The following TSHZ2 variants were observed in gnomAD, a reference collection of about 807,000 sequenced individuals.
The protein encoded by TSHZ2 is teashirt homolog 2.
A neutral mutation model predicts 74.4 loss-of-function variants in TSHZ2; 21 were observed. That is an observed-to-expected ratio of 0.28 (90% CI 0.20 to 0.41). The LOEUF is 0.41. Among genes scored for constraint, TSHZ2 ranks in the 10% least tolerant of loss-of-function variants. The probability of loss-of-function intolerance (pLI) is 1.00; values close to 1 mark genes in which losing one functional copy is unlikely to be tolerated. For missense variants in TSHZ2, 1,244 were observed against 1,293.5 expected, an observed-to-expected ratio of 0.96 and a Z score of 0.59; for synonymous variants, 540 against 515.3, an observed-to-expected ratio of 1.05 and a Z score of -0.65.
chr20:53,255,505 G>A lies in TSHZ2; in HGVS notation c.2047G>A (p.Ala683Thr), dbSNP rs202194589. The change falls in exon 2 of 3, where the codon GCC becomes ACC. Residue 683 changes from alanine to threonine, a missense_variant. By Grantham distance (58) the Ala-to-Thr change is moderately conservative. Around this residue, in one of 6 missense-constraint regions of TSHZ2, gnomAD observed 562 missense variants for 544.0 expected, o/e 1.03. Coordinates refer to ENST00000371497, the MANE Select transcript of TSHZ2 (RefSeq NM_173485.6). This position sits in a 1 kb window ranked among gnomAD's most constrained non-coding sequence, Gnocchi z 4.1. Reference sequence around the variant, plus strand: ...TGCTCTGAGCAATGGGTGCGCCCTCGCCAACCACGCCCCGGCCCTGCCATG... The same window carrying A: ...TGCTCTGAGCAATGGGTGCGCCCTCACCAACCACGCCCCGGCCCTGCCATG... ...TSALSNGCAL[A>T]NHAPALPCIN... 6.2e-5 allele frequency: 99 copies of A among 1,591,272 alleles called. No homozygotes were observed. Among genetic ancestry groups the A allele is most frequent in the Non-Finnish European group, 7.2e-5 (84 of 1,171,470 alleles).
At chr20:52,995,875 G>A (rs1199548860) in intron 1 of TSHZ2, among the ~76,000 whole-genome samples, 3 of 151,968 alleles carry the variant, frequency 2.0e-5, no homozygotes, top group African/African-American at 7.3e-5. Flanking sequence ...ACCCACCTCG[G>A]CCTCCCAAAG....
chr20:52,999,790 A>C (rs1982346017), intron 1 of TSHZ2, among the ~76,000 whole-genome samples: 1 of 152,152 alleles, frequency 6.6e-6, no homozygotes, highest in African/African-American at 2.4e-5. Flanking sequence ...TTTTTAAAAA[A>C]TCCTACAGTT....
intron 2 of TSHZ2, among the ~76,000 whole-genome samples, chr20:53,441,187 TTCC>T (rs1196054452): frequency 6.6e-6 from 1 of 152,034 alleles, no homozygotes; most frequent in Non-Finnish European, 1.5e-5. Context: ...GCTTTACTTC[TTCC>T]TTTTTTTTCC....
In TSHZ2 at chr20:52,973,414, G is replaced by A; in HGVS notation, c.40+81G>A. 9 of 1,524,830 alleles carry A rather than the reference G, an allele frequency of 5.9e-6. No individual in the cohort carries two copies. In the South Asian group the frequency reaches 7.3e-5, roughly 12 times the overall value. 94.5% of individuals were successfully genotyped at this position (1,524,830 alleles called of 1,614,324 possible). On this transcript the variant is annotated intron_variant, in intron 1 of 2. Transcript: ENST00000371497. The stretch of plus-strand genomic sequence containing the variant: ...CCTCCTTGCCCCTGGGTGCCCGGGG[G>A]CACCACCCACTTAAGCTTTCGGGGG...
intron 2 of TSHZ2, among the ~76,000 whole-genome samples, chr20:53,394,979 T>G (rs1354900280): frequency 6.6e-6 from 1 of 151,184 alleles, no homozygotes; most frequent in African/African-American, 2.4e-5. Flanking sequence ...ATGTCTCTGC[T>G]CTTTCTTGGA....
chr20:52,987,651 A>G (rs1323361391), intron 1 of TSHZ2, among the ~76,000 whole-genome samples: 2 of 152,180 alleles, frequency 1.3e-5, no homozygotes, highest in Non-Finnish European at 2.9e-5. Flanking sequence ...AAAAAAATAT[A>G]AGAAGGCTCT....
chr20:53,390,454 C>T (rs1982208328), intron 2 of TSHZ2, among the ~76,000 whole-genome samples: 1 of 152,216 alleles, frequency 6.6e-6, no homozygotes, highest in Non-Finnish European at 1.5e-5. Flanking sequence ...ATAAGAATGT[C>T]TCCATATTTA....
At chr20:53,291,803 GCA>G (rs78972342) in intron 2 of TSHZ2, among the ~76,000 whole-genome samples, 10,206 of 152,172 alleles carry the variant, frequency 0.067, 425 homozygotes, top group Middle Eastern at 0.12. Context: ...CCTCCTCACA[GCA>G]CACTCTTCTG....
At chr20:53,457,827 TTG>T (rs1167577416) in intron 2 of TSHZ2, among the ~76,000 whole-genome samples, 1 of 151,930 alleles carries the variant, frequency 6.6e-6, no homozygotes, top group Non-Finnish European at 1.5e-5. Flanking sequence ...CATGTGGTTT[TTG>T]TCTTTGGCTC....
At position 53,170,038 on chromosome 20, in the gene TSHZ2, A is replaced by G. The variant is rs181499201; in HGVS notation, c.41-83461A>G. 9.4e-4 allele frequency among the ~76,000 whole-genome samples: 143 copies of G among 152,306 alleles called. 1 individual carries two copies. Among genetic ancestry groups the G allele is most frequent in the Non-Finnish European group, 1.6e-3 (109 of 68,024 alleles). On this transcript the variant is annotated intron_variant, in intron 1 of 2. Transcript: ENST00000371497. Reference sequence around the variant, plus strand: ...GCTACTTGTCTTCAAGAATGCTACAAGAATAACTACTGTTTGGAAAACAGA... The same window carrying G: ...GCTACTTGTCTTCAAGAATGCTACAGGAATAACTACTGTTTGGAAAACAGA...
intron 2 of TSHZ2, among the ~76,000 whole-genome samples, chr20:53,287,639 A>G (rs1991194834): frequency 6.6e-6 from 1 of 152,202 alleles, no homozygotes; most frequent in South Asian, 2.1e-4. Flanking sequence ...GGAGACTGAG[A>G]TTGGAAAAAG....
chr20:53,396,401 A>T (rs904377582), intron 2 of TSHZ2, among the ~76,000 whole-genome samples: 1 of 152,240 alleles, frequency 6.6e-6, no homozygotes, highest in African/African-American at 2.4e-5. Flanking sequence ...GTACAGATGA[A>T]GAAACTGAAG....
At chr20:53,119,878 C>A (rs1341875287) in intron 1 of TSHZ2, among the ~76,000 whole-genome samples, 3 of 152,150 alleles carry the variant, frequency 2.0e-5, no homozygotes, top group Non-Finnish European at 4.4e-5. Flanking sequence ...TTCTAGCTAA[C>A]GTGTATTTCC....
chr20:53,224,784 A>G (rs185556478), intron 1 of TSHZ2, among the ~76,000 whole-genome samples: 220 of 147,652 alleles, frequency 1.5e-3, no homozygotes, highest in African/African-American at 5.3e-3. Context: ...TGGGAGGTGG[A>G]GGTTGCAGTG....
At chr20:53,157,963 A>ACTGT (rs1352004374) in intron 1 of TSHZ2, among the ~76,000 whole-genome samples, 2 of 152,222 alleles carry the variant, frequency 1.3e-5, no homozygotes, top group Non-Finnish European at 2.9e-5. Context: ...GGTAGTGAAC[A>ACTGT]CTGTCATACA....
At chr20:52,996,236 T>C (rs1426131206) in intron 1 of TSHZ2, among the ~76,000 whole-genome samples, 1 of 152,116 alleles carries the variant, frequency 6.6e-6, no homozygotes, top group East Asian at 1.9e-4. Flanking sequence ...AAAGAACCAC[T>C]TTCCAAGTCT....
chr20:53,162,878 C>T (rs1027182860), intron 1 of TSHZ2, among the ~76,000 whole-genome samples: 3 of 152,124 alleles, frequency 2.0e-5, no homozygotes, highest in African/African-American at 7.2e-5. Flanking sequence ...TTAAAATGAC[C>T]TTCGTCAGTT....
chr20:53,384,550 G>C (rs1271271219), intron 2 of TSHZ2, among the ~76,000 whole-genome samples: 1 of 152,176 alleles, frequency 6.6e-6, no homozygotes, highest in Admixed American at 6.5e-5. Flanking sequence ...CTGACGTCTA[G>C]TCCCTGCCTG....
At chr20:53,057,381 C>T (rs1984674520) in intron 1 of TSHZ2, among the ~76,000 whole-genome samples, 1 of 151,988 alleles carries the variant, frequency 6.6e-6, no homozygotes, top group African/African-American at 2.4e-5. Context: ...GGGAGTTATG[C>T]CAGGCACTAA....
Sources: gnomAD v4.1 joint callset for allele counts (sites outside exome capture counted in the v4.1 genomes callset) on GRCh38, gnomAD v4.1.1 for gene constraint, gnomAD v4.1.1 regional missense constraint, Gnocchi (gnomAD v3.1) non-coding constraint, MANE v1.5 for transcripts, NCBI Gene and HGNC (gene_info 2026-07-23, HGNC 2026-07-21) for gene names.